The following CEACAM6 variants were observed in gnomAD, a reference collection of about 807,000 sequenced individuals.
CEACAM6 encodes cell adhesion molecule CEACAM6.
CEACAM6 carries 21 observed loss-of-function variants against 32.4 expected under a neutral mutation model. That is an observed-to-expected ratio of 0.65 (90% CI 0.46 to 0.93). The LOEUF (loss-of-function observed/expected upper bound fraction) is 0.93. CEACAM6 is among the 40% of genes least tolerant of loss of function. CEACAM6 has a pLI of 0.00. For missense variants in CEACAM6, 406 were observed against 432.2 expected (o/e 0.94, Z 0.54); for synonymous variants, 184 against 174.4 (o/e 1.06, Z -0.43).
rs2072997626 is a variant in CEACAM6 at position 41,772,027 on chromosome 19, G to C, written c.*1266G>C. 6.6e-6 allele frequency: 1 copy of C among 151,900 alleles called. No individual in the cohort carries two copies. The highest frequency in any genetic ancestry group is 2.4e-5 in the African/African-American group (1 of 41,350). The allele number at this position is 151,900 out of a possible 1,614,324, so 9.4% of individuals were successfully genotyped here. A position where few individuals can be genotyped will look rare whatever the true frequency, so the allele number is the denominator to read the frequency against. On this transcript the variant is annotated 3_prime_UTR_variant, in exon 6 of 6. Coordinates refer to ENST00000199764, the MANE Select transcript of CEACAM6 (RefSeq NM_002483.7). Reference sequence around the variant, plus strand: ...CCTCTACTTTAACTTTTACAAAAAAGTAACCTGAACTAATCTGATGTTAAC... The same window carrying C: ...CCTCTACTTTAACTTTTACAAAAAACTAACCTGAACTAATCTGATGTTAAC...
At chr19:41,762,324 G>A (rs1379690768) in intron 4 of CEACAM6, 101 bp downstream of exon 4, 1 of 1,396,582 alleles carries the variant, frequency 7.2e-7, no homozygotes, top group African/African-American at 1.4e-5. Context: ...GTGTCCAAGG[G>A]GCACACGCAA....
intron 4 of CEACAM6, among the ~76,000 whole-genome samples, chr19:41,764,746 A>G (rs994709859): frequency 4.6e-5 from 7 of 152,056 alleles, no homozygotes; most frequent in African/African-American, 1.7e-4. Flanking sequence ...TATTTCAGTT[A>G]TAATTCTTAT....
In CEACAM6 at chr19:41,761,289, C is replaced by A. The variant is rs537042421; in HGVS notation, c.465C>A (p.Asn155Lys). Residue 155 changes from asparagine to lysine, a missense_variant, in exon 3 of 6, where the codon AAC (asparagine) becomes AAA (lysine). Transcript: ENST00000199764. ...CCTCCATCTCCAGCAACAACTCCAA[C>A]CCCGTGGAGGACAAGGATGCTGTGG... ...PKPSISSNNSNPVEDKDAVAF... is the reference protein window; with the variant it reads ...PKPSISSNNSKPVEDKDAVAF... The A allele has an allele frequency of 2.5e-6, 4 of 1,614,096 alleles. No homozygotes were observed. The South Asian group carries it at 3.3e-5, about 13-fold the overall frequency.
At position 41,756,988 on chromosome 19, in the gene CEACAM6, T is replaced by C. The variant is rs781880546; in HGVS notation, c.424+29T>C. 3 of 1,572,950 alleles carry C rather than the reference T, an allele frequency of 1.9e-6. No homozygotes were observed. In the African/African-American group the frequency reaches 4.1e-5, roughly 21 times the overall value. On this transcript the variant is annotated intron_variant, in intron 2 of 5. Coordinates refer to ENST00000199764, the MANE Select transcript of CEACAM6 (RefSeq NM_002483.7). ...AGTATTTCCACATGACCTCTGGGTG[T>C]TGGGGGTCAGTTCTACTTCCCACAT...
At chr19:41,768,069 T>A (rs184363031) in intron 5 of CEACAM6, among the ~76,000 whole-genome samples, 1 of 152,104 alleles carries the variant, frequency 6.6e-6, no homozygotes, top group East Asian at 1.9e-4. Context: ...CATTCTTTTT[T>A]TATTTTTATT....
chr19:41,769,458 G>A (rs1482637733), intron 5 of CEACAM6, among the ~76,000 whole-genome samples: 1 of 152,034 alleles, frequency 6.6e-6, no homozygotes, highest in Non-Finnish European at 1.5e-5. Flanking sequence ...CCAAGAGCAA[G>A]CAGAGAATTC....
chr19:41,763,922 T>C (rs2072942568), intron 4 of CEACAM6, among the ~76,000 whole-genome samples: 1 of 152,216 alleles, frequency 6.6e-6, no homozygotes, highest in Non-Finnish European at 1.5e-5. Flanking sequence ...TATTTGTTTG[T>C]TTGCTGCCTA....
rs372058531 is a variant in CEACAM6 at position 41,755,715 on chromosome 19, C to T, written c.64+13C>T. ...GTCCTGCTCACAGGTGAGGGGAGGA[C>T]TCCCTCGGAGTGGATGGGAGGAGGG... On this transcript the variant is annotated intron_variant, in intron 1 of 5. Transcript: ENST00000199764. The T allele has an allele frequency of 1.5e-5, 24 of 1,598,308 alleles. No homozygotes were observed. Among genetic ancestry groups the T allele is most frequent in the Non-Finnish European group, 2.0e-5 (24 of 1,173,106 alleles).
intron 4 of CEACAM6, among the ~76,000 whole-genome samples, chr19:41,765,871 G>A (rs1247249152): frequency 3.9e-5 from 6 of 152,168 alleles, no homozygotes; most frequent in African/African-American, 1.4e-4. Context: ...TGCCACAATT[G>A]AGACACTGAG....
chr19:41,765,150 G>T (rs1419357031), intron 4 of CEACAM6, among the ~76,000 whole-genome samples: 1 of 152,122 alleles, frequency 6.6e-6, no homozygotes, highest in African/African-American at 2.4e-5. Flanking sequence ...AAATCCACTT[G>T]TCACTAACCA....
At chr19:41,761,814 A>C (rs2072926249) in intron 3 of CEACAM6, among the ~76,000 whole-genome samples, 155 bp from the exon 4 acceptor site, 2 of 152,214 alleles carry the variant, frequency 1.3e-5, no homozygotes, top group East Asian at 3.9e-4. Flanking sequence ...AAACAGGTGA[A>C]TGTCTCAGAC....
chr19:41,770,145 C>T (rs574776969), intron 5 of CEACAM6, among the ~76,000 whole-genome samples: 12 of 151,402 alleles, frequency 7.9e-5, no homozygotes, highest in Admixed American at 4.6e-4. Flanking sequence ...GGCACAGTAG[C>T]TCACGTCGAT....
chr19:41,762,385 CCCCTTGTTTTTTTGT>C (rs1555822026), intron 4 of CEACAM6, among the ~76,000 whole-genome samples, 162 bp downstream of exon 4: 2 of 152,120 alleles, frequency 1.3e-5, no homozygotes, highest in African/African-American at 4.8e-5. Context: ...AGACTCTTTT[CCCCTTGTTTTTTTGT>C]TTTTTGTTGT....
chr19:41,759,974 G>A (rs782641130), intron 2 of CEACAM6, among the ~76,000 whole-genome samples: 1 of 152,140 alleles, frequency 6.6e-6, no homozygotes, highest in Non-Finnish European at 1.5e-5. Flanking sequence ...CAAAATTAGG[G>A]TGCTAAACGG....
intron 5 of CEACAM6, among the ~76,000 whole-genome samples, chr19:41,767,950 T>C (rs923962827): frequency 6.6e-6 from 1 of 152,178 alleles, no homozygotes; most frequent in Admixed American, 6.5e-5. Context: ...TTTATGGTTA[T>C]GTTATTGATG....
At chr19:41,768,932 G>T (rs953318835) in intron 5 of CEACAM6, among the ~76,000 whole-genome samples, 1 of 152,062 alleles carries the variant, frequency 6.6e-6, no homozygotes, top group Admixed American at 6.5e-5. Context: ...TTTGTTTGGT[G>T]GGGGGGTTGT....
rs192880056 is a variant in CEACAM6 at position 41,772,095 on chromosome 19, G to C, written c.*1334G>C. 3 of 152,278 alleles carry C rather than the reference G, an allele frequency of 2.0e-5. No homozygotes were observed. In the East Asian group the frequency reaches 5.8e-4, roughly 29 times the overall value. 9.4% of individuals were successfully genotyped at this position (152,278 alleles called of 1,614,324 possible). ...TGGTTCTGTTTCCTTGTTCCAATTT[G>C]ACAAAACCCACTGTTCTTGTATTGT... On this transcript the variant is annotated 3_prime_UTR_variant, in exon 6 of 6. Coordinates refer to ENST00000199764, the MANE Select transcript of CEACAM6 (RefSeq NM_002483.7).
intron 4 of CEACAM6, among the ~76,000 whole-genome samples, chr19:41,764,867 T>C (rs1224884277): frequency 3.3e-5 from 5 of 152,258 alleles, no homozygotes; most frequent in Non-Finnish European, 7.3e-5. Flanking sequence ...TATTTACCAC[T>C]ATCAATTTCT....
In CEACAM6 at chr19:41,771,771, T is replaced by C. The variant is rs2072995805; in HGVS notation, c.*1010T>C. ...GTCATCAGGAGAACATCATAACCCA[T>C]GAAGGATAAAAGCCCCAAATGGTGG... is the stretch of plus-strand genomic sequence containing the variant. On this transcript the variant is annotated 3_prime_UTR_variant, in exon 6 of 6. Transcript: ENST00000199764. The C allele has an allele frequency of 6.6e-6, 1 of 152,284 alleles. No homozygotes were observed. Among genetic ancestry groups the C allele is most frequent in the South Asian group, 2.1e-4 (1 of 4,826 alleles). 9.4% of individuals were successfully genotyped at this position (152,284 alleles called of 1,614,324 possible).
Sources: allele counts gnomAD v4.1 joint callset (sites outside exome capture counted in the v4.1 genomes callset), GRCh38; gene constraint gnomAD v4.1.1; transcripts MANE v1.5; gene names NCBI Gene and HGNC (gene_info 2026-07-23, HGNC 2026-07-21).